The following ASPSCR1 variants were observed in gnomAD, a reference collection of about 807,000 sequenced individuals.
ASPSCR1 encodes the protein ASPSCR1 tether for SLC2A4, UBX domain containing.
In ASPSCR1, 55 loss-of-function variants were observed where a neutral mutation model predicts 68.9. That is an observed-to-expected ratio of 0.80 (90% CI 0.64 to 1.00). The LOEUF is 1.00. ASPSCR1 is among the 50% of genes least tolerant of loss of function. The pLI, the probability that ASPSCR1 is intolerant of heterozygous loss-of-function variation, is 0.00. For missense variants in ASPSCR1, 765 were observed against 762.2 expected (o/e 1.00, Z -0.04); for synonymous variants, 352 against 332.6 (o/e 1.06, Z -0.63).
At chr17:81,981,410 G>C (rs531529289) in intron 2 of ASPSCR1, among the ~76,000 whole-genome samples, 1 of 152,132 alleles carries the variant, frequency 6.6e-6, no homozygotes, top group Non-Finnish European at 1.5e-5. Context: ...GTGGAGTCTC[G>C]CTCTGTCACA....
intron 2 of ASPSCR1, among the ~76,000 whole-genome samples, chr17:81,982,261 G>A (rs945157728): frequency 1.3e-5 from 2 of 152,244 alleles, no homozygotes; most frequent in South Asian, 2.1e-4. Flanking sequence ...GAGCCACCGC[G>A]CCCAGCGCAT....
chr17:81,985,461 G>C, intron 3 of ASPSCR1, 46 bp from the exon 4 acceptor site: 1 of 1,577,116 alleles, frequency 6.3e-7, no homozygotes, highest in Non-Finnish European at 8.7e-7. Context: ...AGAAGGAATA[G>C]TTGCTTTTCT....
At position 81,999,676 on chromosome 17, in the gene ASPSCR1, CA is replaced by C. The variant is rs2042464582; in HGVS notation, c.933+2831del. Among the ~76,000 whole-genome samples the C allele has an allele frequency of 6.6e-6, 1 of 151,802 alleles. No homozygotes were observed. The highest frequency in any genetic ancestry group is 2.4e-5 in the African/African-American group (1 of 41,304). On this transcript the variant is annotated intron_variant, in intron 7 of 15. Coordinates refer to ENST00000306739, the MANE Select transcript of ASPSCR1 (RefSeq NM_024083.4). The surrounding 1 kb of genome is among the most constrained non-coding windows in gnomAD (Gnocchi z 4.4). ...AAGAAGTGGCCAGGAGGGCTCTGTG[CA>C]CATGGCCCCGGCCTCGGCTGTCCCC...
intron 3 of ASPSCR1, among the ~76,000 whole-genome samples, chr17:81,984,994 A>ACCC (rs140516312): frequency 1.5e-5 from 1 of 68,950 alleles, no homozygotes; most frequent in Non-Finnish European, 2.7e-5. Flanking sequence ...CTGCGTGCAC[A>ACCC]CCCCCCCACA....
At chr17:81,980,099 C>T (rs1034815158) in intron 2 of ASPSCR1, among the ~76,000 whole-genome samples, 3 of 152,228 alleles carry the variant, frequency 2.0e-5, no homozygotes, top group Admixed American at 6.5e-5. Context: ...TCTCCTGCCT[C>T]AGCCTCCCGA....
chr17:82,002,977 C>A (rs145874774), intron 7 of ASPSCR1, among the ~76,000 whole-genome samples: 1 of 151,922 alleles, frequency 6.6e-6, no homozygotes, highest in Non-Finnish European at 1.5e-5. Flanking sequence ...TGGGTTCAAG[C>A]GATTTTCGTG....
rs373635581 is a variant in ASPSCR1, at chr17:82,011,571, C to T, written c.1266C>T (p.Ser422=). The T allele has an allele frequency of 5.1e-6, 8 of 1,580,614 alleles. No individual in the cohort carries two copies. The highest frequency in any genetic ancestry group is 2.3e-5 in the East Asian group (1 of 42,658). ...GGGACTTGCGAGACTTCGTGAGGAG[C>T]CACCTGGGGAACCCCGAGCTGTCAT... ...TVGDLRDFVR[S]HLGNPELSFY... Residue 422 remains serine, a synonymous_variant, in exon 11 of 16, where the codon AGC becomes AGT. Coordinates refer to ENST00000306739, the MANE Select transcript of ASPSCR1 (RefSeq NM_024083.4).
Position 81,989,998 on chromosome 17 carries a change from C to T in ASPSCR1, c.374+4391C>T, listed in dbSNP as rs142739617. Among the ~76,000 whole-genome samples the T allele has an allele frequency of 1.6e-3, 250 of 152,326 alleles. 1 individual carries two copies. Among genetic ancestry groups the T allele is most frequent in the African/African-American group, 5.7e-3 (237 of 41,564 alleles). ...TAGAGACAGGGTTTCACCATGTTGG[C>T]CAGGCTGGTCAGGTGATCAGCCCGC... On this transcript the variant is annotated intron_variant, in intron 4 of 15. Transcript: ENST00000306739.
rs2041862788 is a variant in ASPSCR1 at position 81,983,480 on chromosome 17, G to GGGCGT, written c.159-72_159-71insCGTGG. ...ATGGCGGGGCGTGGATGGTGGGACGGGGATGGCGGGGCGTGGATGGCAGGG... is the reference window on the plus strand; with the variant it reads ...ATGGCGGGGCGTGGATGGTGGGACGGGGCGTGGATGGCGGGGCGTGGATGGCAGGG... On this transcript the variant is annotated intron_variant, in intron 2 of 15. Coordinates refer to ENST00000306739, the MANE Select transcript of ASPSCR1 (RefSeq NM_024083.4). This position sits in a 1 kb window ranked among gnomAD's most constrained non-coding sequence, Gnocchi z 4.4. 2.5e-6 allele frequency: 3 copies of GGGCGT among 1,211,520 alleles called. No individual in the cohort carries two copies. The highest frequency in any genetic ancestry group is 3.1e-5 in the African/African-American group (2 of 63,524). 75.0% of individuals were successfully genotyped at this position (1,211,520 alleles called of 1,614,324 possible).
chr17:81,995,219 C>A (rs60666195), intron 5 of ASPSCR1: 5 of 462,152 alleles, frequency 1.1e-5, no homozygotes, highest in African/African-American at 8.1e-5. Context: ...CGGGACCCTC[C>A]TAGCGCTCGT....
rs905990136 is a variant in ASPSCR1 at position 81,983,435 on chromosome 17, ACGTGGATGGCGGGG to A, written c.159-95_159-82del. 174 of 801,018 alleles carry A rather than the reference ACGTGGATGGCGGGG, an allele frequency of 2.2e-4. No individual in the cohort carries two copies. Among genetic ancestry groups the A allele is most frequent in the Middle Eastern group, 9.0e-4 (3 of 3,346 alleles). 49.6% of individuals were successfully genotyped at this position (801,018 alleles called of 1,614,324 possible). A position where few individuals can be genotyped will look rare whatever the true frequency, so the allele number is the denominator to read the frequency against. ...CCCGCTGTTGGGGAGCTGCCACAGG[ACGTGGATGGCGGGG>A]CGTGGATGGCGGGGCGTGGATGGTG... On this transcript the variant is annotated intron_variant, in intron 2 of 15. Coordinates refer to ENST00000306739, the MANE Select transcript of ASPSCR1 (RefSeq NM_024083.4). This position sits in a 1 kb window ranked among gnomAD's most constrained non-coding sequence, Gnocchi z 4.4.
Position 82,009,471 on chromosome 17 carries a change from CCCT to C in ASPSCR1, c.1089-10_1089-8del. On this transcript the variant is annotated splice_polypyrimidine_tract_variant and intron_variant, in intron 8 of 15. Transcript: ENST00000306739. ...TTCTGACCAGAAGCCCTGTTCCTTC[CCCT>C]CCTCACCACAGGAAGCGCCTGGAAG... The C allele has an allele frequency of 1.4e-5, 22 of 1,565,896 alleles. No individual in the cohort carries two copies. The highest frequency in any genetic ancestry group is 1.9e-5 in the Non-Finnish European group (22 of 1,155,262).
At chr17:81,982,253 G>A (rs989233639) in intron 2 of ASPSCR1, among the ~76,000 whole-genome samples, 1 of 152,264 alleles carries the variant, frequency 6.6e-6, no homozygotes, top group Admixed American at 6.5e-5. Flanking sequence ...ACAGGCATGA[G>A]CCACCGCGCC....
chr17:82,010,326 G>C lies in ASPSCR1; in HGVS notation c.1171-476G>C, dbSNP rs528358101. ...GGGCGGATCATGAGGTCAGGAGATCGAGACCATCCTGGCTGACACGGTGAA... is the reference window on the plus strand; with the variant it reads ...GGGCGGATCATGAGGTCAGGAGATCCAGACCATCCTGGCTGACACGGTGAA... On this transcript the variant is annotated intron_variant, in intron 9 of 15. Coordinates refer to ENST00000306739, the MANE Select transcript of ASPSCR1 (RefSeq NM_024083.4). Among the ~76,000 whole-genome samples the C allele has an allele frequency of 1.8e-3, 266 of 151,226 alleles. 1 individual carries two copies. The highest frequency in any genetic ancestry group is 3.9e-3 in the Admixed American group (60 of 15,254).
rs775471779 is a variant in ASPSCR1 at position 81,996,731 on chromosome 17, T to C, written c.818T>C (p.Leu273Pro). The C allele has an allele frequency of 3.7e-6, 6 of 1,613,230 alleles. No homozygotes were observed. The highest frequency in any genetic ancestry group is 5.1e-6 in the Non-Finnish European group (6 of 1,179,926). Residue 273 changes from leucine to proline, a missense_variant, in exon 7 of 16, where the codon CTC becomes CCC. By Grantham distance (98) the Leu-to-Pro change is moderately conservative (BLOSUM62 -3). Transcript: ENST00000306739. ...TSSSAKLPKS[L>P]SSPGGPSKPK... ...TCTTCAGCTAAGTTGCCGAAGTCCCTCTCCAGCCCTGGAGGCCCCTCCAAG... is the reference window on the plus strand; with the variant it reads ...TCTTCAGCTAAGTTGCCGAAGTCCCCCTCCAGCCCTGGAGGCCCCTCCAAG...
chr17:82,011,753 A>G (rs1207969691), intron 11 of ASPSCR1, 148 bp downstream of exon 11: 5 of 881,106 alleles, frequency 5.7e-6, no homozygotes, highest in African/African-American at 3.4e-5. Flanking sequence ...CCTGCAGCCC[A>G]TGGTGTCTGT....
chr17:82,011,672 G>A (rs897526318), intron 11 of ASPSCR1, 67 bp downstream of exon 11: 23 of 1,533,024 alleles, frequency 1.5e-5, no homozygotes, highest in East Asian at 4.7e-5. Context: ...TGGGCACACC[G>A]CCCGTCCCAG....
Position 81,999,811 on chromosome 17 carries a change from G to C in ASPSCR1, c.933+2965G>C, listed in dbSNP as rs974308870. 1.3e-5 allele frequency among the ~76,000 whole-genome samples: 2 copies of C among 152,042 alleles called. No individual in the cohort carries two copies. The highest frequency in any genetic ancestry group is 4.8e-5 in the African/African-American group (2 of 41,400). The stretch of plus-strand genomic sequence containing the variant: ...ACCTCATGCCTCCCTCTTGCCTCCC[G>C]GCCACACACCTGGGAGGGCAGAGGC... On this transcript the variant is annotated intron_variant, in intron 7 of 15. Coordinates refer to ENST00000306739, the MANE Select transcript of ASPSCR1 (RefSeq NM_024083.4). The surrounding 1 kb of genome is among the most constrained non-coding windows in gnomAD (Gnocchi z 4.4).
At chr17:81,991,976 C>T (rs115138014) in intron 4 of ASPSCR1, among the ~76,000 whole-genome samples, 3 of 152,250 alleles carry the variant, frequency 2.0e-5, no homozygotes, top group African/African-American at 4.8e-5. Context: ...AATATGCCCT[C>T]GAAGCCAGCA....
Sources: gnomAD v4.1 joint callset for allele counts (sites outside exome capture counted in the v4.1 genomes callset) on GRCh38, gnomAD v4.1.1 for gene constraint, Gnocchi (gnomAD v3.1) non-coding constraint, MANE v1.5 for transcripts, NCBI Gene and HGNC (gene_info 2026-07-23, HGNC 2026-07-21) for gene names.